FGF14: variants seen among roughly 807,000 people sequenced by gnomAD.
FGF14 encodes fibroblast growth factor homologous factor 4.
FGF14 carries 5 observed loss-of-function variants against 25.5 expected under a neutral mutation model. The ratio of observed to expected loss-of-function variants is 0.20; its 90% CI spans 0.10 to 0.41. FGF14 has a LOEUF of 0.41. FGF14 is among the 10% of genes least tolerant of loss of function. The pLI is 1.00. For missense variants in FGF14, 222 were observed against 320.1 expected, an observed-to-expected ratio of 0.69 and a Z score of 2.34; for synonymous variants, 138 against 118.3, an observed-to-expected ratio of 1.17 and a Z score of -1.08.
chr13:101,851,457 C>T (rs76370535), intron 3 of FGF14, among the ~76,000 whole-genome samples: 5,729 of 152,076 alleles, frequency 0.038, 389 homozygotes, highest in African/African-American at 0.13. Context: ...ACCAGGTTTG[C>T]GGTACTTTGT....
At chr13:102,228,502 A>C (rs1048383139) in intron 1 of FGF14, among the ~76,000 whole-genome samples, 8 of 152,174 alleles carry the variant, frequency 5.3e-5, no homozygotes, top group Non-Finnish European at 1.0e-4. Context: ...CTTTTCCTTG[A>C]GATTGAAAAC....
chr13:102,023,532 ACTCT>A lies in FGF14; in HGVS notation c.209-148240_209-148237del, dbSNP rs575152058. On this transcript the variant is annotated intron_variant, in intron 1 of 4. Coordinates refer to the FGF14 transcript ENST00000376131. The stretch of plus-strand genomic sequence containing the variant: ...ATTCTTGTGGTTGTACAACATCACC[ACTCT>A]CTAATTTTCAAAATTTTATCATCAC... Among the ~76,000 whole-genome samples, 136 of 151,900 alleles carry A rather than the reference ACTCT, an allele frequency of 9.0e-4. 2 individuals carry two copies. Among genetic ancestry groups the A allele is most frequent in the Middle Eastern group, 6.8e-3 (2 of 294 alleles).
chr13:102,066,508 A>T (rs756202024), intron 1 of FGF14, among the ~76,000 whole-genome samples: 1 of 152,224 alleles, frequency 6.6e-6, no homozygotes, highest in African/African-American at 2.4e-5. Context: ...TTTCAGCATC[A>T]AATGTATCTT....
chr13:102,309,690 T>C (rs563464617), intron 1 of FGF14, among the ~76,000 whole-genome samples: 1 of 152,340 alleles, frequency 6.6e-6, no homozygotes, highest in African/African-American at 2.4e-5. Flanking sequence ...TGCTGCCTAT[T>C]ATAAAATTGC....
chr13:102,021,224 G>A (rs2040633346), intron 1 of FGF14, among the ~76,000 whole-genome samples: 1 of 152,058 alleles, frequency 6.6e-6, no homozygotes, highest in African/African-American at 2.4e-5. Flanking sequence ...CTTGGATAAA[G>A]GAAGAGCATA....
Position 101,717,279 on chromosome 13 carries a change from T to C in FGF14, c.*5552A>G, listed in dbSNP as rs577619559. 1.3e-5 allele frequency: 2 copies of C among 152,282 alleles called. No individual in the cohort carries two copies. The highest frequency in any genetic ancestry group is 2.9e-5 in the Non-Finnish European group (2 of 68,012). 9.4% of individuals were successfully genotyped at this position (152,282 alleles called of 1,614,324 possible). A position where few individuals can be genotyped will look rare whatever the true frequency, so the allele number is the denominator to read the frequency against. ...ATCCTGATTTTTATAGTACTAACAATGTTCTCATAATGTAATAGATTTATA... is the reference window on the plus strand; with the variant it reads ...ATCCTGATTTTTATAGTACTAACAACGTTCTCATAATGTAATAGATTTATA... On this transcript the variant is annotated 3_prime_UTR_variant, in exon 5 of 5. Transcript: ENST00000376143.
At chr13:101,779,410 G>C (rs916928837) in intron 3 of FGF14, among the ~76,000 whole-genome samples, 2 of 152,144 alleles carry the variant, frequency 1.3e-5, no homozygotes, top group Admixed American at 6.5e-5. Context: ...CAGCAAACCT[G>C]ATAGTCAAAG....
At chr13:102,254,692 G>C (rs2141086552) in intron 1 of FGF14, among the ~76,000 whole-genome samples, 1 of 152,232 alleles carries the variant, frequency 6.6e-6, no homozygotes, top group African/African-American at 2.4e-5. Context: ...TCCATGGTAG[G>C]AAATTCAACA....
chr13:101,760,289 C>T (rs1275019505), intron 3 of FGF14, among the ~76,000 whole-genome samples: 4 of 152,170 alleles, frequency 2.6e-5, no homozygotes, highest in Admixed American at 6.5e-5. Flanking sequence ...GCTTACTCTA[C>T]GTTCACTGCT....
At chr13:101,897,134 G>C (rs932047418) in intron 1 of FGF14, among the ~76,000 whole-genome samples, 1 of 152,156 alleles carries the variant, frequency 6.6e-6, no homozygotes, top group African/African-American at 2.4e-5. Context: ...AAAGGGTTCT[G>C]ATCCATAGAC....
At chr13:101,957,404 G>A (rs2036577742) in intron 1 of FGF14, among the ~76,000 whole-genome samples, 1 of 152,160 alleles carries the variant, frequency 6.6e-6, no homozygotes, top group Admixed American at 6.6e-5. Context: ...AGAACCTTAG[G>A]AGAAACTGAA....
chr13:101,827,924 T>TAAAA (rs772144858), intron 3 of FGF14, among the ~76,000 whole-genome samples: 3 of 116,466 alleles, frequency 2.6e-5, no homozygotes, highest in African/African-American at 9.1e-5. Flanking sequence ...GGCTAATTTC[T>TAAAA]AAAAAAAAAA....
chr13:102,230,418 A>G (rs956832865), intron 1 of FGF14, among the ~76,000 whole-genome samples: 1 of 152,240 alleles, frequency 6.6e-6, no homozygotes, highest in African/African-American at 2.4e-5. Context: ...AGGTATAAAC[A>G]AACACTGCAA....
chr13:102,135,707 G>A (rs2046383169), intron 1 of FGF14, among the ~76,000 whole-genome samples: 1 of 152,190 alleles, frequency 6.6e-6, no homozygotes, highest in South Asian at 2.1e-4. Context: ...TCAGGCTGGA[G>A]TGCAGTGGCA....
chr13:102,382,185 A>C (rs1457117406), intron 1 of FGF14, among the ~76,000 whole-genome samples: 2 of 152,164 alleles, frequency 1.3e-5, no homozygotes, highest in African/African-American at 4.8e-5. Flanking sequence ...ACCATTAAGA[A>C]AGTGAAAAGA....
chr13:102,353,681 C>T (rs138836865), intron 1 of FGF14, among the ~76,000 whole-genome samples: 2 of 152,264 alleles, frequency 1.3e-5, no homozygotes, highest in Non-Finnish European at 2.9e-5. Context: ...TCCTGGACCT[C>T]GCTACCTCCC....
At chr13:101,841,383 AT>A (rs1020536807) in intron 3 of FGF14, among the ~76,000 whole-genome samples, 2 of 151,732 alleles carry the variant, frequency 1.3e-5, no homozygotes. Context: ...ATCTGTGCTG[AT>A]TTTTTTTCCA....
At chr13:102,398,436 C>T (rs1350468927) in intron 1 of FGF14, among the ~76,000 whole-genome samples, 4 of 152,126 alleles carry the variant, frequency 2.6e-5, no homozygotes, top group Non-Finnish European at 5.9e-5. Flanking sequence ...TATTTCATAA[C>T]TTCCAAAGAT....
At chr13:102,026,882 A>C (rs1300233687) in intron 1 of FGF14, among the ~76,000 whole-genome samples, 1 of 151,982 alleles carries the variant, frequency 6.6e-6, no homozygotes, top group Non-Finnish European at 1.5e-5. Flanking sequence ...TTTCACTTAG[A>C]ATTGAACCCA....
Sources: gnomAD v4.1 joint callset for allele counts (sites outside exome capture counted in the v4.1 genomes callset) on GRCh38, gnomAD v4.1.1 for gene constraint, MANE v1.5 for transcripts, NCBI Gene and HGNC (gene_info 2026-07-23, HGNC 2026-07-21) for gene names.